Variants in BCL2L10 observed in about 807,000 individuals in gnomAD.
BCL2L10 encodes bcl-2-like protein 10.
Under a neutral mutation model 11.1 loss-of-function variants are expected in BCL2L10, and 14 were observed. That is an observed-to-expected ratio of 1.26 (90% CI 0.83 to 1.96). BCL2L10 has a LOEUF of 1.96. Ranked by LOEUF, BCL2L10 falls within the 30% of genes most tolerant of loss-of-function variation. BCL2L10 has a pLI of 0.00. For missense variants in BCL2L10, 309 were observed against 273.9 expected, an observed-to-expected ratio of 1.13 and a Z score of -0.90; for synonymous variants, 154 against 133.4, an observed-to-expected ratio of 1.15 and a Z score of -1.07.
In BCL2L10 at chr15:52,109,880, CTGT is replaced by C. The variant is rs1566926553; in HGVS notation, c.580_582del (p.Thr194del). The C allele has an allele frequency of 1.9e-6, 3 of 1,613,578 alleles. No individual in the cohort carries two copies. The highest frequency in any genetic ancestry group is 1.3e-5 in the African/African-American group (1 of 74,864). On this transcript the variant is annotated inframe_deletion, in exon 2 of 2. Coordinates refer to ENST00000260442, the MANE Select transcript of BCL2L10 (RefSeq NM_020396.4). ...AATCGTGTCCAGAGATAAATGAAGG[CTGT>C]TGTTAACAAGCATGACAGAAAAGCC...
Position 52,112,535 on chromosome 15 carries a change from GA to G in BCL2L10, c.191del (p.Phe64SerfsTer17). ...TCCCGGGGTAGCCGAGGTAGGCGGA[GA>G]AAAAGGACCGGTGAATCTGCCGTAA... is the stretch of plus-strand genomic sequence containing the variant. Reference protein sequence around the residue: ...ARLRQIHRSFFSAYLGYPGNR... With the variant: ...ARLRQIHRSFXSAYLGYPGNR... On this transcript the variant is annotated frameshift_variant, in exon 1 of 2. Transcript: ENST00000260442. LOFTEE classifies it high-confidence loss of function. 6.3e-7 allele frequency: 1 copy of G among 1,591,092 alleles called. No homozygotes were observed.
At chr15:52,111,225 C>A (rs2033051120) in intron 1 of BCL2L10, among the ~76,000 whole-genome samples, 1 of 148,376 alleles carries the variant, frequency 6.7e-6, no homozygotes. Flanking sequence ...CACAGTTAGC[C>A]AGGCTTGGTG....
intron 1 of BCL2L10, 27 bp downstream of exon 1, chr15:52,112,211 G>A (rs2033066433): frequency 3.4e-6 from 5 of 1,462,304 alleles, no homozygotes; most frequent in East Asian, 5.3e-5. Context: ...GTCCCGCCCC[G>A]TGTCCCGGTG....
Position 52,112,730 on chromosome 15 carries a change from C to T in BCL2L10, c.-4G>A. ...GCTCCCGCAACTGGTCAACCATGGT[C>T]CGGCCTCTGCTGGGGGGCCGGGCCT... On this transcript the variant is annotated 5_prime_UTR_variant, in exon 1 of 2. Coordinates refer to ENST00000260442, the MANE Select transcript of BCL2L10 (RefSeq NM_020396.4). 1.3e-6 allele frequency: 2 copies of T among 1,526,598 alleles called. No homozygotes were observed. Among genetic ancestry groups the T allele is most frequent in the Middle Eastern group, 2.0e-4 (1 of 4,994 alleles). 94.6% of individuals were successfully genotyped at this position (1,526,598 alleles called of 1,614,324 possible). A position where few individuals can be genotyped will look rare whatever the true frequency, so the allele number is the denominator to read the frequency against.
chr15:52,109,813 T>G lies in BCL2L10; in HGVS notation c.*35A>C. The G allele has an allele frequency of 6.2e-7, 1 of 1,610,968 alleles. No individual in the cohort carries two copies. On this transcript the variant is annotated 3_prime_UTR_variant, in exon 2 of 2. Transcript: ENST00000260442. ...ACATCTGTCATTTAGTTGGTCACAG[T>G]TGGGCAGGTAGAAGCGGGTTAAAAG...
rs762835360 is a variant in BCL2L10 at position 52,112,353 on chromosome 15, G to T, written c.374C>A (p.Pro125Gln). The T allele has an allele frequency of 3.7e-6, 6 of 1,601,078 alleles. No homozygotes were observed. The highest frequency in any genetic ancestry group is 5.1e-6 in the Non-Finnish European group (6 of 1,178,166). Residue 125 changes from proline to glutamine, a missense_variant, in exon 1 of 2, where the codon CCG becomes CAG. By Grantham distance (76) the Pro-to-Gln change is moderately conservative (BLOSUM62 -1). Coordinates refer to ENST00000260442, the MANE Select transcript of BCL2L10 (RefSeq NM_020396.4). ...GTCGCCCTCCTGCTCCTTTAGCCGC[G>T]GCTGGAAGCCCCACTTCTTCCACCG... ...TARWKKWGFQ[P>Q]RLKEQEGDVA...
chr15:52,109,837 A>G lies in BCL2L10; in HGVS notation c.*11T>C. On this transcript the variant is annotated 3_prime_UTR_variant, in exon 2 of 2. Transcript: ENST00000260442. The stretch of plus-strand genomic sequence containing the variant: ...GTTGGGCAGGTAGAAGCGGGTTAAA[A>G]GTTTTAAAACTCATAATAATCGTGT... 1 of 1,613,398 alleles carries G rather than the reference A, an allele frequency of 6.2e-7. No homozygotes were observed. Among genetic ancestry groups the G allele is most frequent in the Non-Finnish European group, 8.5e-7 (1 of 1,179,668 alleles).
intron 1 of BCL2L10, among the ~76,000 whole-genome samples, chr15:52,111,173 A>AAAACACACACAC (rs768251892): frequency 2.5e-5 from 3 of 121,720 alleles, no homozygotes; most frequent in Non-Finnish European, 5.1e-5. Context: ...CTCTACTGAA[A>AAAACACACACAC]ACACACACAC....
Position 52,112,728 on chromosome 15 carries a change from G to A in BCL2L10, c.-2C>T. 1.3e-6 allele frequency: 2 copies of A among 1,529,404 alleles called. No homozygotes were observed. Among genetic ancestry groups the A allele is most frequent in the Non-Finnish European group, 1.7e-6 (2 of 1,144,324 alleles). The allele number at this position is 1,529,404 out of a possible 1,614,324, so 94.7% of individuals were successfully genotyped here. A position where few individuals can be genotyped will look rare whatever the true frequency, so the allele number is the denominator to read the frequency against. ...GCGCTCCCGCAACTGGTCAACCATG[G>A]TCCGGCCTCTGCTGGGGGGCCGGGC... On this transcript the variant is annotated 5_prime_UTR_variant, in exon 1 of 2. Coordinates refer to ENST00000260442, the MANE Select transcript of BCL2L10 (RefSeq NM_020396.4).
Position 52,112,322 on chromosome 15 carries a change from G to A in BCL2L10, c.405C>T (p.Ala135=), listed in dbSNP as rs758643877. ...PRLKEQEGDV[A]RDCQRLVALL... is the part of the protein sequence containing the mutation. ...AGGCCACCAGGCGCTGGCAGTCCCG[G>A]GCGACGTCGCCCTCCTGCTCCTTTA... Residue 135 remains alanine (A), a synonymous_variant, in exon 1 of 2, where the codon GCC becomes GCT. Coordinates refer to ENST00000260442, the MANE Select transcript of BCL2L10 (RefSeq NM_020396.4). The A allele has an allele frequency of 2.5e-6, 4 of 1,583,878 alleles. No homozygotes were observed. The East Asian group carries it at 6.9e-5, about 27-fold the overall frequency.
intron 1 of BCL2L10, among the ~76,000 whole-genome samples, chr15:52,110,464 G>C (rs961187815): frequency 6.6e-6 from 1 of 151,562 alleles, no homozygotes; most frequent in Non-Finnish European, 1.5e-5. Context: ...ACAGAGTTTC[G>C]CTCTTGGTGC....
chr15:52,110,320 C>G lies in BCL2L10; in HGVS notation c.490-347G>C, dbSNP rs185553743. On this transcript the variant is annotated intron_variant, in intron 1 of 1. Coordinates refer to ENST00000260442, the MANE Select transcript of BCL2L10 (RefSeq NM_020396.4). Reference sequence around the variant, plus strand: ...AGTCACTAGATTGAAAAGTTATCACCTGACACTACAGCAAGCACCAACCCC... The same window carrying G: ...AGTCACTAGATTGAAAAGTTATCACGTGACACTACAGCAAGCACCAACCCC... Among the ~76,000 whole-genome samples, 5 of 152,326 alleles carry G rather than the reference C, an allele frequency of 3.3e-5. No individual in the cohort carries two copies. The East Asian group carries it at 9.6e-4, about 29-fold the overall frequency.
intron 1 of BCL2L10, among the ~76,000 whole-genome samples, chr15:52,111,560 G>C (rs1278940553): frequency 6.6e-6 from 1 of 152,120 alleles, no homozygotes; most frequent in East Asian, 1.9e-4. Flanking sequence ...CATGCAGTGG[G>C]CTCATCACCA....
Position 52,109,715 on chromosome 15 carries a change from G to T in BCL2L10, c.*133C>A. 7.9e-7 allele frequency: 1 copy of T among 1,267,072 alleles called. No homozygotes were observed. Among genetic ancestry groups the T allele is most frequent in the Non-Finnish European group, 1.1e-6 (1 of 914,848 alleles). 78.5% of individuals were successfully genotyped at this position (1,267,072 alleles called of 1,614,324 possible). The stretch of plus-strand genomic sequence containing the variant: ...AAACACTGGCCAAATCACCACCTCA[G>T]GACTCCTTGTATGCATTCAGATAAA... On this transcript the variant is annotated 3_prime_UTR_variant, in exon 2 of 2. Coordinates refer to ENST00000260442, the MANE Select transcript of BCL2L10 (RefSeq NM_020396.4).
rs1259574850 is a variant in BCL2L10, at chr15:52,112,268, G to C, written c.459C>G (p.His153Gln). 2 of 1,539,378 alleles carry C rather than the reference G, an allele frequency of 1.3e-6. No homozygotes were observed. The highest frequency in any genetic ancestry group is 1.7e-6 in the Non-Finnish European group (2 of 1,148,882). ...ALLSSRLMGQHRAWLQAQGGW... is the reference protein window; with the variant it reads ...ALLSSRLMGQQRAWLQAQGGW... ...CGCCCTGAGCCTGCAGCCAGGCGCG[G>C]TGCTGCCCCATGAGCCGCGAGCTCA... Residue 153 changes from histidine to glutamine, a missense_variant, in exon 1 of 2, where the codon CAC becomes CAG. Transcript: ENST00000260442.
intron 1 of BCL2L10, among the ~76,000 whole-genome samples, chr15:52,111,323 C>T (rs2033052814): frequency 6.6e-6 from 1 of 151,860 alleles, no homozygotes; most frequent in Non-Finnish European, 1.5e-5. Flanking sequence ...AGCTGGGATC[C>T]ACCACCGCAC....
Position 52,112,616 on chromosome 15 carries a change from G to T in BCL2L10, c.111C>A (p.Pro37=). 1 of 1,570,460 alleles carries T rather than the reference G, an allele frequency of 6.4e-7. No individual in the cohort carries two copies. The highest frequency in any genetic ancestry group is 2.3e-5 in the East Asian group (1 of 43,388). The change falls in exon 1 of 2, where the codon CCC becomes CCA. Residue 37 remains proline, a synonymous_variant. Coordinates refer to ENST00000260442, the MANE Select transcript of BCL2L10 (RefSeq NM_020396.4). ...LGYCAREPGT[P]EPAPSTPEAA... is the part of the protein sequence containing the mutation. ...CCTCGGGCGTGGATGGCGCCGGCTC[G>T]GGGGTGCCGGGTTCCCGGGCGCAGT...
At position 52,112,331 on chromosome 15, in the gene BCL2L10, GCCCTCCTGCT is replaced by G; in HGVS notation, c.386_395del (p.Glu129AlafsTer14). The G allele has an allele frequency of 6.3e-7, 1 of 1,590,190 alleles. No individual in the cohort carries two copies. ...GGCGCTGGCAGTCCCGGGCGACGTC[GCCCTCCTGCT>G]CCTTTAGCCGCGGCTGGAAGCCCCA... On this transcript the variant is annotated frameshift_variant, in exon 1 of 2. Transcript: ENST00000260442. LOFTEE classifies it high-confidence loss of function.
chr15:52,111,866 C>T (rs1489415002), intron 1 of BCL2L10, among the ~76,000 whole-genome samples: 4 of 152,212 alleles, frequency 2.6e-5, no homozygotes, highest in African/African-American at 7.2e-5. Context: ...GCTGGGGCCC[C>T]GCCATTGCTG....
Sources: gnomAD v4.1 joint callset for allele counts (sites outside exome capture counted in the v4.1 genomes callset) on GRCh38, gnomAD v4.1.1 for gene constraint, MANE v1.5 for transcripts, NCBI Gene and HGNC (gene_info 2026-07-23, HGNC 2026-07-21) for gene names.